Variants in GALNTL6 observed in about 807,000 individuals in gnomAD.
The protein encoded by GALNTL6 is polypeptide N-acetylgalactosaminyltransferase-like 6.
A neutral mutation model predicts 73.7 loss-of-function variants in GALNTL6; 46 were observed. The ratio of observed to expected loss-of-function variants is 0.62; its 90% CI spans 0.49 to 0.80. The LOEUF is 0.80. GALNTL6 is among the 30% of genes least tolerant of loss of function. The pLI, the probability that GALNTL6 is intolerant of heterozygous loss-of-function variation, is 0.00. For missense variants in GALNTL6, 604 were observed against 755.0 expected, an observed-to-expected ratio of 0.80 and a Z score of 2.34; for synonymous variants, 259 against 263.7, an observed-to-expected ratio of 0.98 and a Z score of 0.17.
At chr4:172,431,520 G>T in intron 5 of GALNTL6, among the ~76,000 whole-genome samples, 1 of 152,040 alleles carries the variant, frequency 6.6e-6, no homozygotes, top group East Asian at 1.9e-4. Flanking sequence ...TGTGTGTAAT[G>T]TATGTATAAG....
chr4:172,479,080 A>G (rs1483541035), intron 5 of GALNTL6, among the ~76,000 whole-genome samples: 1 of 152,228 alleles, frequency 6.6e-6, no homozygotes, highest in Non-Finnish European at 1.5e-5. Context: ...GTGAATTAGT[A>G]CAGCCTCTAT....
At chr4:172,910,535 A>C (rs1006565650) in intron 8 of GALNTL6, among the ~76,000 whole-genome samples, 1 of 152,222 alleles carries the variant, frequency 6.6e-6, no homozygotes, top group East Asian at 1.9e-4. Flanking sequence ...CCTGACTTTT[A>C]AGATCCTCTT....
intron 2 of GALNTL6, among the ~76,000 whole-genome samples, chr4:172,198,186 C>T (rs1416720372): frequency 6.6e-6 from 1 of 151,638 alleles, no homozygotes; most frequent in Non-Finnish European, 1.5e-5. Context: ...GATATAGGCA[C>T]AGGTAAAGAT....
At chr4:172,122,112 A>T (rs1733166092) in intron 2 of GALNTL6, among the ~76,000 whole-genome samples, 1 of 150,900 alleles carries the variant, frequency 6.6e-6, no homozygotes, top group Non-Finnish European at 1.5e-5. Context: ...CAATTTTATC[A>T]TCTAGTATCC....
At chr4:172,241,733 CCTT>C (rs1281334006) in intron 3 of GALNTL6, among the ~76,000 whole-genome samples, 5 of 152,134 alleles carry the variant, frequency 3.3e-5, no homozygotes, top group Non-Finnish European at 5.9e-5. Context: ...TCTGATTTCT[CCTT>C]CTTATGAGTA....
intron 2 of GALNTL6, among the ~76,000 whole-genome samples, chr4:172,059,426 C>T (rs1433174676): frequency 6.6e-6 from 1 of 152,062 alleles, no homozygotes; most frequent in East Asian, 1.9e-4. Context: ...TTCAAATGGT[C>T]GATGGAATCT....
intron 5 of GALNTL6, among the ~76,000 whole-genome samples, chr4:172,371,026 A>G (rs1174527624): frequency 6.6e-6 from 1 of 152,232 alleles, no homozygotes; most frequent in African/African-American, 2.4e-5. Context: ...AACCTCATTC[A>G]GTCCATATTA....
chr4:172,464,549 A>C (rs1201012321), intron 5 of GALNTL6, among the ~76,000 whole-genome samples: 1 of 151,940 alleles, frequency 6.6e-6, no homozygotes, highest in Non-Finnish European at 1.5e-5. Flanking sequence ...CTCTACTAAA[A>C]ATACAAAATT....
intron 12 of GALNTL6, among the ~76,000 whole-genome samples, chr4:173,036,816 G>A (rs761311642): frequency 1.2e-4 from 19 of 152,116 alleles, no homozygotes; most frequent in Non-Finnish European, 2.5e-4. Flanking sequence ...CAGACTTGCC[G>A]AAACACTCAG....
Position 171,845,694 on chromosome 4 carries a change from A to C in GALNTL6, c.138+30976A>C, listed in dbSNP as rs185126529. ...AAGGGATGGTAAAGACACAAGATGG[A>C]AGGAGACCAAGTCTCCAAATTACTG... On this transcript the variant is annotated intron_variant, in intron 2 of 12. Coordinates refer to ENST00000506823, the MANE Select transcript of GALNTL6 (RefSeq NM_001034845.3). Among the ~76,000 whole-genome samples the C allele has an allele frequency of 2.0e-4, 31 of 152,318 alleles. 1 individual carries two copies. The East Asian group carries it at 5.2e-3, about 26-fold the overall frequency.
At chr4:173,022,478 A>G (rs1231664746) in intron 12 of GALNTL6, among the ~76,000 whole-genome samples, 1 of 152,254 alleles carries the variant, frequency 6.6e-6, no homozygotes, top group Admixed American at 6.5e-5. Context: ...AACCACGCAT[A>G]CATAATTTTT....
At chr4:172,903,407 A>G (rs1339263091) in intron 8 of GALNTL6, among the ~76,000 whole-genome samples, 1 of 152,212 alleles carries the variant, frequency 6.6e-6, no homozygotes, top group Non-Finnish European at 1.5e-5. Flanking sequence ...CTGTAAGTCC[A>G]TATAACATGC....
At chr4:172,652,456 G>A (rs765539952) in intron 5 of GALNTL6, among the ~76,000 whole-genome samples, 25 of 152,334 alleles carry the variant, frequency 1.6e-4, no homozygotes, top group Middle Eastern at 3.4e-3. Context: ...CCTGAGGTGG[G>A]AAAAGCATGG....
chr4:172,786,409 G>A (rs1579480177), intron 5 of GALNTL6, among the ~76,000 whole-genome samples: 2 of 152,240 alleles, frequency 1.3e-5, no homozygotes, highest in East Asian at 3.9e-4. Context: ...TCCTATTTTA[G>A]GAACTTGGTT....
chr4:172,266,845 T>G (rs1461552265), intron 3 of GALNTL6, among the ~76,000 whole-genome samples: 1 of 152,168 alleles, frequency 6.6e-6, no homozygotes, highest in African/African-American at 2.4e-5. Context: ...TGTCTCTTTC[T>G]GTCTCTATGT....
intron 5 of GALNTL6, among the ~76,000 whole-genome samples, chr4:172,625,713 A>G (rs546331268): frequency 1.3e-5 from 2 of 152,058 alleles, no homozygotes; most frequent in Admixed American, 6.6e-5. Context: ...AATAATAGCT[A>G]TTCTGACTGG....
intron 5 of GALNTL6, among the ~76,000 whole-genome samples, chr4:172,380,949 A>C (rs1357049503): frequency 6.6e-6 from 1 of 152,202 alleles, no homozygotes; most frequent in African/African-American, 2.4e-5. Context: ...TAAATTAAAG[A>C]GATAATCTGA....
chr4:172,186,649 A>G (rs769368799), intron 2 of GALNTL6, among the ~76,000 whole-genome samples: 36 of 152,164 alleles, frequency 2.4e-4, no homozygotes, highest in Non-Finnish European at 4.9e-4. Flanking sequence ...CCTCGAGGAC[A>G]TTTTGCTAGG....
intron 2 of GALNTL6, among the ~76,000 whole-genome samples, chr4:171,988,575 T>G (rs922403286): frequency 8.6e-5 from 13 of 151,812 alleles, no homozygotes; most frequent in African/African-American, 2.9e-4. Flanking sequence ...AGTATATGGG[T>G]TTGGCACCAC....
Sources: allele counts gnomAD v4.1 joint callset (sites outside exome capture counted in the v4.1 genomes callset), GRCh38; gene constraint gnomAD v4.1.1; transcripts MANE v1.5; gene names NCBI Gene and HGNC (gene_info 2026-07-23, HGNC 2026-07-21).